Variants in BACH2 observed in about 807,000 individuals in gnomAD.
The protein encoded by BACH2 is transcription regulator protein BACH2.
A neutral mutation model predicts 61.8 loss-of-function variants in BACH2; 5 were observed. The ratio of observed to expected loss-of-function variants is 0.08; its 90% CI spans 0.04 to 0.17. BACH2 has a LOEUF of 0.17. Ranked by LOEUF, BACH2 falls within the 10% of genes least tolerant of loss-of-function variation. The probability of loss-of-function intolerance (pLI) is 1.00; values close to 1 mark genes in which losing one functional copy is unlikely to be tolerated. For synonymous variants in BACH2, 446 were observed against 440.1 expected, an observed-to-expected ratio of 1.01 and a Z score of -0.17; for missense variants, 824 against 1,091.1, an observed-to-expected ratio of 0.76 and a Z score of 3.45.
chr6:89,937,971 A>G (rs937119126), intron 8 of BACH2, among the ~76,000 whole-genome samples, 173 bp downstream of exon 8: 3 of 152,218 alleles, frequency 2.0e-5, no homozygotes, highest in Non-Finnish European at 2.9e-5. Context: ...AAACACACAC[A>G]CACACACGCA....
intron 5 of BACH2, among the ~76,000 whole-genome samples, chr6:90,057,405 C>T (rs1362271067): frequency 2.0e-5 from 3 of 152,192 alleles, no homozygotes; most frequent in Non-Finnish European, 2.9e-5. Flanking sequence ...CACATACATC[C>T]TCCCAAGACT....
chr6:90,113,351 G>C (rs766619591), intron 4 of BACH2, among the ~76,000 whole-genome samples: 1 of 151,986 alleles, frequency 6.6e-6, no homozygotes, highest in Non-Finnish European at 1.5e-5. Flanking sequence ...CCACATAATT[G>C]GACATAAAAC....
chr6:90,093,687 C>T (rs931704128), intron 4 of BACH2, among the ~76,000 whole-genome samples: 1 of 152,134 alleles, frequency 6.6e-6, no homozygotes. Flanking sequence ...AGGACAATAC[C>T]CAATATAGTC....
intron 1 of BACH2, among the ~76,000 whole-genome samples, chr6:90,276,612 T>A (rs1405722831): frequency 6.6e-6 from 1 of 152,220 alleles, no homozygotes; most frequent in Middle Eastern, 3.2e-3. Context: ...CAGATTACGC[T>A]AAGCAAAAGA....
In BACH2 at chr6:90,285,757, C is replaced by T. The variant is rs114626612; in HGVS notation, c.-446+10723G>A. Among the ~76,000 whole-genome samples, 725 of 152,246 alleles carry T rather than the reference C, an allele frequency of 4.8e-3. 7 individuals are homozygous for T. The highest frequency in any genetic ancestry group is 0.016 in the African/African-American group (682 of 41,544). ...CCAGCAGCCCGGAGCTCTCCAAGGG[C>T]GGTGCTGGTACTATGGGCAGTTTAC... On this transcript the variant is annotated intron_variant, in intron 1 of 8. Transcript: ENST00000257749.
At chr6:90,065,105 C>T (rs969588752) in intron 5 of BACH2, among the ~76,000 whole-genome samples, 2 of 147,884 alleles carry the variant, frequency 1.4e-5, no homozygotes, top group South Asian at 2.1e-4. Context: ...TAACAGAAAA[C>T]GTAAGGTAAG....
At chr6:90,279,999 A>C (rs1251902708) in intron 1 of BACH2, among the ~76,000 whole-genome samples, 1 of 152,200 alleles carries the variant, frequency 6.6e-6, no homozygotes, top group Non-Finnish European at 1.5e-5. Context: ...AAAAAGGTAA[A>C]ACTATTTTAC....
intron 4 of BACH2, among the ~76,000 whole-genome samples, chr6:90,202,974 A>G (rs1184186036): frequency 6.6e-6 from 1 of 152,238 alleles, no homozygotes; most frequent in East Asian, 1.9e-4. Context: ...CTTTCTCTAT[A>G]GCATGATAAT....
intron 3 of BACH2, among the ~76,000 whole-genome samples, chr6:90,231,670 C>A (rs1478916656): frequency 6.6e-6 from 1 of 152,168 alleles, no homozygotes; most frequent in African/African-American, 2.4e-5. Flanking sequence ...AACCAAAATG[C>A]AATTTGAAAT....
At chr6:90,098,841 G>A (rs951540376) in intron 4 of BACH2, among the ~76,000 whole-genome samples, 1 of 152,124 alleles carries the variant, frequency 6.6e-6, no homozygotes, top group Non-Finnish European at 1.5e-5. Flanking sequence ...CGTGGCTTCT[G>A]GTCCAACTGA....
chr6:90,158,723 T>G, intron 4 of BACH2, among the ~76,000 whole-genome samples: 1 of 139,542 alleles, frequency 7.2e-6, no homozygotes, highest in African/African-American at 2.8e-5. Flanking sequence ...GGTAACGATA[T>G]GGAGATGGCA....
At chr6:90,019,175 G>A (rs182968491) in intron 5 of BACH2, among the ~76,000 whole-genome samples, 6 of 152,296 alleles carry the variant, frequency 3.9e-5, no homozygotes, top group African/African-American at 9.6e-5. Context: ...AGCATTTAAT[G>A]TTCTAGGTCA....
intron 5 of BACH2, among the ~76,000 whole-genome samples, chr6:90,085,076 A>T (rs377089617): frequency 1.4e-4 from 21 of 152,292 alleles, no homozygotes; most frequent in African/African-American, 5.1e-4. Context: ...TAACCTAGTG[A>T]GTTCCATCCT....
At chr6:90,228,068 C>CA in intron 3 of BACH2, among the ~76,000 whole-genome samples, 1 of 152,188 alleles carries the variant, frequency 6.6e-6, no homozygotes, top group Middle Eastern at 3.2e-3. Context: ...AGACTTACTG[C>CA]AAAAATGATT....
intron 5 of BACH2, among the ~76,000 whole-genome samples, chr6:90,031,942 C>T (rs1582233082): frequency 6.6e-6 from 1 of 152,154 alleles, no homozygotes; most frequent in South Asian, 2.1e-4. Context: ...ATCATGCTAC[C>T]TGACTTCAAA....
intron 3 of BACH2, among the ~76,000 whole-genome samples, chr6:90,251,374 T>C (rs1165983915): frequency 6.6e-6 from 1 of 152,202 alleles, no homozygotes; most frequent in Non-Finnish European, 1.5e-5. Context: ...TAGACGCGGA[T>C]GGTTTCTTTT....
intron 4 of BACH2, among the ~76,000 whole-genome samples, chr6:90,115,672 G>C (rs1034725282): frequency 3.3e-5 from 5 of 152,026 alleles, no homozygotes; most frequent in African/African-American, 1.2e-4. Context: ...TGACAAATTG[G>C]ATCTAATTAA....
At chr6:90,124,087 C>T (rs114838770) in intron 4 of BACH2, among the ~76,000 whole-genome samples, 106 of 152,228 alleles carry the variant, frequency 7.0e-4, no homozygotes, top group African/African-American at 2.4e-3. Flanking sequence ...TTGGAGAATC[C>T]ATGTTTTTCA....
chr6:90,162,323 A>T (rs1360399936), intron 4 of BACH2, among the ~76,000 whole-genome samples: 3 of 152,214 alleles, frequency 2.0e-5, no homozygotes, highest in Non-Finnish European at 4.4e-5. Flanking sequence ...GTTAAAAGAA[A>T]GTTCCTGATT....
Sources: gnomAD v4.1 joint callset for allele counts (sites outside exome capture counted in the v4.1 genomes callset) on GRCh38, gnomAD v4.1.1 for gene constraint, MANE v1.5 for transcripts, NCBI Gene and HGNC (gene_info 2026-07-23, HGNC 2026-07-21) for gene names.